The following ARHGAP26 variants were observed in gnomAD, a reference collection of about 807,000 sequenced individuals.
The protein encoded by ARHGAP26 is rho GTPase-activating protein 26.
ARHGAP26 carries 38 observed loss-of-function variants against 104.8 expected under a neutral mutation model. The observed-to-expected ratio is 0.36, with a 90% confidence interval of 0.28 to 0.48. The LOEUF is 0.48. Among genes scored for constraint, ARHGAP26 ranks in the 20% least tolerant of loss-of-function variants. ARHGAP26 has a pLI of 0.99. For synonymous variants in ARHGAP26, 341 were observed against 340.0 expected (o/e 1.00, Z -0.03); for missense variants, 704 against 947.9 (o/e 0.74, Z 3.38).
At chr5:142,907,621 T>C in intron 8 of ARHGAP26, 83 bp from the exon 9 acceptor site, 4 of 813,878 alleles carry the variant, frequency 4.9e-6, no homozygotes, top group Non-Finnish European at 7.9e-6. Flanking sequence ...GCATTATGAA[T>C]TATGGGTTGT....
chr5:142,823,278 CA>C (rs1766561351), intron 1 of ARHGAP26, among the ~76,000 whole-genome samples: 1 of 152,170 alleles, frequency 6.6e-6, no homozygotes, highest in African/African-American at 2.4e-5. Context: ...GGATAGGAAG[CA>C]GCAAGCCATG....
intron 19 of ARHGAP26, among the ~76,000 whole-genome samples, chr5:143,146,767 C>A (rs1024470958): frequency 3.9e-5 from 6 of 152,178 alleles, no homozygotes; most frequent in African/African-American, 1.4e-4. Context: ...TCTGGTGAGG[C>A]TCTATGGAAT....
intron 11 of ARHGAP26, among the ~76,000 whole-genome samples, chr5:143,007,449 G>A (rs778833816): frequency 8.5e-5 from 13 of 152,168 alleles, no homozygotes; most frequent in Non-Finnish European, 1.8e-4. Context: ...CTTAAATTGG[G>A]TGGAAATTTT....
chr5:143,222,246 TACACACACACAC>T (rs66463225), intron 22 of ARHGAP26, 100 bp from the exon 23 acceptor site: 221,888 of 478,312 alleles, frequency 0.46, 34,997 homozygotes, highest in East Asian at 0.58. Flanking sequence ...GCTTCCTTCA[TACACACACACAC>T]ACACACACAC....
intron 1 of ARHGAP26, among the ~76,000 whole-genome samples, chr5:142,808,553 A>T (rs2152003421): frequency 6.6e-6 from 1 of 152,074 alleles, no homozygotes; most frequent in East Asian, 1.9e-4. Context: ...GGTACAGAAT[A>T]ACTAAGTGGG....
intron 17 of ARHGAP26, among the ~76,000 whole-genome samples, chr5:143,092,608 C>T (rs1328223419): frequency 6.6e-6 from 1 of 151,472 alleles, no homozygotes; most frequent in African/African-American, 2.4e-5. Flanking sequence ...ACTTCCTTCA[C>T]GTAGGTGGAC....
intron 20 of ARHGAP26, among the ~76,000 whole-genome samples, chr5:143,187,300 T>C (rs543683697): frequency 6.6e-6 from 1 of 152,352 alleles, no homozygotes; most frequent in South Asian, 2.1e-4. Context: ...CTTTTAGAAA[T>C]CTGCTTATCA....
At chr5:142,969,100 T>TTTATTA (rs969353480) in intron 11 of ARHGAP26, among the ~76,000 whole-genome samples, 24 of 151,934 alleles carry the variant, frequency 1.6e-4, no homozygotes, top group Non-Finnish European at 3.5e-4. Context: ...CTCAGCTCTT[T>TTTATTA]TTATTATTAT....
At chr5:143,118,346 G>C (rs1795739745) in intron 17 of ARHGAP26, among the ~76,000 whole-genome samples, 1 of 152,074 alleles carries the variant, frequency 6.6e-6, no homozygotes, top group Admixed American at 6.5e-5. Context: ...TTTTGAAGAT[G>C]AGGAACCCAA....
At chr5:143,105,513 G>A (rs10035861) in intron 17 of ARHGAP26, among the ~76,000 whole-genome samples, 128,173 of 152,216 alleles carry the variant, frequency 0.84, 54,983 homozygotes, top group Non-Finnish European at 0.92. Context: ...ATTTTATTGC[G>A]TAAGTTTTCT....
chr5:142,854,887 T>C (rs1409879903), intron 1 of ARHGAP26, among the ~76,000 whole-genome samples: 2 of 152,192 alleles, frequency 1.3e-5, no homozygotes. Context: ...GTTTCTCTAC[T>C]CTACGCTCCC....
chr5:142,972,765 C>T (rs10062481), intron 11 of ARHGAP26, among the ~76,000 whole-genome samples: 12,984 of 152,022 alleles, frequency 0.085, 1,465 homozygotes, highest in African/African-American at 0.25. Context: ...ATATTTGCTA[C>T]GTTGTGTCCT....
intron 20 of ARHGAP26, among the ~76,000 whole-genome samples, chr5:143,190,835 G>A (rs1341353486): frequency 6.6e-6 from 1 of 152,226 alleles, no homozygotes; most frequent in Non-Finnish European, 1.5e-5. Context: ...GGTGTCCATA[G>A]AATGGAATAG....
chr5:143,185,122 A>G (rs1414310428), intron 20 of ARHGAP26, among the ~76,000 whole-genome samples: 1 of 152,358 alleles, frequency 6.6e-6, no homozygotes, highest in East Asian at 1.9e-4. Context: ...TATATTGCTG[A>G]TAACTGTTTA....
At chr5:142,828,330 T>G (rs1407865773) in intron 1 of ARHGAP26, among the ~76,000 whole-genome samples, 2 of 152,214 alleles carry the variant, frequency 1.3e-5, no homozygotes, top group African/African-American at 2.4e-5. Flanking sequence ...CTTTTACCCG[T>G]GCAGTTTCCC....
chr5:142,816,339 T>C (rs183553524), intron 1 of ARHGAP26, among the ~76,000 whole-genome samples: 95 of 152,294 alleles, frequency 6.2e-4, no homozygotes, highest in Non-Finnish European at 9.3e-4. Context: ...CATTTTGATG[T>C]AAAGAGTGTT....
intron 1 of ARHGAP26, chr5:142,771,196 C>T (rs1755117096): frequency 7.8e-7 from 1 of 1,281,872 alleles, no homozygotes; most frequent in South Asian, 2.6e-5. Flanking sequence ...CGTGGGCGTG[C>T]GCGGCACGCA....
At chr5:143,130,150 G>A (rs542066397) in intron 18 of ARHGAP26, among the ~76,000 whole-genome samples, 9 of 152,334 alleles carry the variant, frequency 5.9e-5, no homozygotes, top group African/African-American at 2.2e-4. Flanking sequence ...TCTGACTGCA[G>A]AGGCCAAACC....
At chr5:143,205,938 T>C (rs937224859) in intron 20 of ARHGAP26, among the ~76,000 whole-genome samples, 6 of 152,256 alleles carry the variant, frequency 3.9e-5, no homozygotes, top group African/African-American at 1.2e-4. Flanking sequence ...TCTAAAAATA[T>C]ACGTAATGGA....
Sources: allele counts gnomAD v4.1 joint callset (sites outside exome capture counted in the v4.1 genomes callset), GRCh38; gene constraint gnomAD v4.1.1; transcripts MANE v1.5; gene names NCBI Gene and HGNC (gene_info 2026-07-23, HGNC 2026-07-21).